The following EXD3 variants were observed in gnomAD, a reference collection of about 807,000 sequenced individuals.
The protein encoded by EXD3 is exonuclease 3'-5' domain containing 3.
EXD3 carries 92 observed loss-of-function variants against 98.0 expected under a neutral mutation model. The observed-to-expected ratio is 0.94, with a 90% confidence interval of 0.79 to 1.12. EXD3 has a LOEUF of 1.12. Among genes scored for constraint, EXD3 ranks in the 50% most tolerant of loss-of-function variants. EXD3 has a pLI of 0.00. For synonymous variants in EXD3, 569 were observed against 526.0 expected (o/e 1.08, Z -1.12); for missense variants, 1,222 against 1,191.6 (o/e 1.03, Z -0.38).
chr9:137,319,094 C>T (rs956977501), intron 19 of EXD3, among the ~76,000 whole-genome samples: 3 of 152,260 alleles, frequency 2.0e-5, no homozygotes, highest in Non-Finnish European at 4.4e-5. Flanking sequence ...TAGGGGACAG[C>T]GGAGGCTGTG....
At chr9:137,330,202 ACTACACAGGAG>A (rs1263631873) in intron 17 of EXD3, among the ~76,000 whole-genome samples, 5 of 135,594 alleles carry the variant, frequency 3.7e-5, no homozygotes, top group Non-Finnish European at 6.2e-5. Context: ...ACTACACAGG[ACTACACAGGAG>A]CTACACAGGA....
chr9:137,375,415 C>A (rs1835847591), intron 3 of EXD3, among the ~76,000 whole-genome samples: 1 of 152,114 alleles, frequency 6.6e-6, no homozygotes, highest in South Asian at 2.1e-4. Context: ...CTAGTGAGTT[C>A]CAGCTCTAGT....
intron 2 of EXD3, chr9:137,392,468 C>T (rs180677676): frequency 4.8e-4 from 82 of 172,160 alleles, no homozygotes; most frequent in Admixed American, 1.0e-3. Context: ...GTCCAGGCAG[C>T]GAGGCGGGGC....
Position 137,355,647 on chromosome 9 carries a change from G to A in EXD3, c.757+621C>T, listed in dbSNP as rs867470510. On this transcript the variant is annotated intron_variant, in intron 8 of 21. Transcript: ENST00000340951. ...GGAGGATGGAGGAAGGAGGAAGGAGGAAGGAGGAAGGAGGAAGGAGAAAGG... is the reference window on the plus strand; with the variant it reads ...GGAGGATGGAGGAAGGAGGAAGGAGAAAGGAGGAAGGAGGAAGGAGAAAGG... 3.6e-4 allele frequency among the ~76,000 whole-genome samples: 50 copies of A among 140,020 alleles called. 1 individual carries two copies. The highest frequency in any genetic ancestry group is 9.0e-4 in the African/African-American group (33 of 36,714). The allele number at this position is 140,020 out of a possible 152,430, so 91.9% of individuals were successfully genotyped here.
At chr9:137,375,070 G>A (rs539838451) in intron 3 of EXD3, among the ~76,000 whole-genome samples, 4 of 151,834 alleles carry the variant, frequency 2.6e-5, no homozygotes, top group East Asian at 3.9e-4. Flanking sequence ...GTGCAGTGGC[G>A]CGATCTCGAC....
intron 1 of EXD3, among the ~76,000 whole-genome samples, chr9:137,420,015 C>G (rs761572938): frequency 3.2e-4 from 48 of 152,180 alleles, no homozygotes; most frequent in Non-Finnish European, 5.9e-4. Context: ...AAAAAATTAG[C>G]CGGGCATGGT....
chr9:137,388,354 G>A (rs893135733), intron 2 of EXD3, among the ~76,000 whole-genome samples: 7 of 152,084 alleles, frequency 4.6e-5, no homozygotes, highest in African/African-American at 1.4e-4. Flanking sequence ...GCCGGCCGAC[G>A]GGAGGACGGA....
At position 137,393,301 on chromosome 9, in the gene EXD3, C is replaced by A; in HGVS notation, c.55+2002G>T. ...GGTCCCATGCGCTCCCCGGCCCTGA[C>A]GGCGGTCTCCAGGGGAGGTAACAGG... On this transcript the variant is annotated intron_variant, in intron 2 of 21. Transcript: ENST00000340951. This position sits in a 1 kb window ranked among gnomAD's most constrained non-coding sequence, Gnocchi z 4.6. 1.4e-6 allele frequency: 1 copy of A among 697,632 alleles called. No individual in the cohort carries two copies. The allele number at this position is 697,632 out of a possible 1,614,324, so 43.2% of individuals were successfully genotyped here.
At chr9:137,389,098 G>A (rs1437992157) in intron 2 of EXD3, among the ~76,000 whole-genome samples, 4 of 152,268 alleles carry the variant, frequency 2.6e-5, no homozygotes, top group Admixed American at 6.5e-5. Context: ...TCTGGCGTCC[G>A]GGGGCAGCTG....
rs370906566 is a variant in EXD3, at chr9:137,382,470, C to T, written c.120+843G>A. On this transcript the variant is annotated intron_variant, in intron 3 of 21. Coordinates refer to ENST00000340951, the MANE Select transcript of EXD3 (RefSeq NM_017820.5). ...AGCGAGGAAGACTGAGCGTCACAGA[C>T]GAAGGTCCGACAAGAGAGCCTGGAA... 1.6e-4 allele frequency among the ~76,000 whole-genome samples: 25 copies of T among 152,166 alleles called. No homozygotes were observed. In the East Asian group the frequency reaches 1.9e-3, roughly 12 times the overall value.
Position 137,405,359 on chromosome 9 carries a change from C to T in EXD3, c.-47-9955G>A, listed in dbSNP as rs1837664686. On this transcript the variant is annotated intron_variant, in intron 1 of 21. Transcript: ENST00000340951. The surrounding 1 kb of genome is among the most constrained non-coding windows in gnomAD (Gnocchi z 4.1). ...CTGCTCCCTGGGGACCCCTGGACCA[C>T]AGGACCAACGGGGGCAGGGTGGGCC... 6.6e-6 allele frequency among the ~76,000 whole-genome samples: 1 copy of T among 152,224 alleles called. No individual in the cohort carries two copies. Among genetic ancestry groups the T allele is most frequent in the African/African-American group, 2.4e-5 (1 of 41,474 alleles).
In EXD3 at chr9:137,351,473, C is replaced by T. The variant is rs773753469; in HGVS notation, c.1229G>A (p.Gly410Asp). Residue 410 changes from glycine to aspartate, a missense_variant, in exon 13 of 22, where the codon GGC becomes GAC. Physicochemically the swap from Gly to Asp is moderately conservative, Grantham distance 94 (BLOSUM62 -1). Coordinates refer to ENST00000340951, the MANE Select transcript of EXD3 (RefSeq NM_017820.5). Reference sequence around the variant, plus strand: ...CTGCAGGAGTGACGGCCGAGGCCGGCCCCCAGCAACAAACACAGGTGTCCA... The same window carrying T: ...CTGCAGGAGTGACGGCCGAGGCCGGTCCCCAGCAACAAACACAGGTGTCCA... ...VEWTPVFVAG[G>D]RPRPSLLQVA... 5 of 1,599,540 alleles carry T rather than the reference C, an allele frequency of 3.1e-6. No individual in the cohort carries two copies. The highest frequency in any genetic ancestry group is 4.5e-5 in the East Asian group (2 of 44,092).
At chr9:137,379,074 G>A (rs552662269) in intron 3 of EXD3, among the ~76,000 whole-genome samples, 2 of 117,842 alleles carry the variant, frequency 1.7e-5, no homozygotes, top group East Asian at 2.5e-4. Flanking sequence ...GAGGGGTACG[G>A]GGTTTGTGGG....
At chr9:137,329,312 A>G (rs1588267988) in intron 17 of EXD3, among the ~76,000 whole-genome samples, 1 of 22,594 alleles carries the variant, frequency 4.4e-5, no homozygotes, top group Non-Finnish European at 6.9e-5. Flanking sequence ...ACACGGGGCT[A>G]CACGGGACTA....
chr9:137,319,261 G>A (rs1486168827), intron 19 of EXD3, among the ~76,000 whole-genome samples: 2 of 152,252 alleles, frequency 1.3e-5, no homozygotes, highest in South Asian at 2.1e-4. Context: ...ATAGCCAGCC[G>A]AGCCCTGCAC....
chr9:137,352,708 C>A lies in EXD3; in HGVS notation c.949G>T (p.Ala317Ser). The A allele has an allele frequency of 6.4e-7, 1 of 1,566,602 alleles. No homozygotes were observed. The highest frequency in any genetic ancestry group is 8.6e-7 in the Non-Finnish European group (1 of 1,157,228). ...AGCAAGAGTTCCATGGCACACTGGG[C>A]GGCCGTGACTGGGTCACTGTGGGAG... is the stretch of plus-strand genomic sequence containing the variant. ...LVSHSDPVTA[A>S]QCAMELLLPE... Residue 317 changes from alanine (A) to serine (S), a missense_variant, in exon 11 of 22, where the codon GCC becomes TCC. Transcript: ENST00000340951.
chr9:137,358,283 C>T (rs1834890648), intron 7 of EXD3, among the ~76,000 whole-genome samples: 1 of 152,226 alleles, frequency 6.6e-6, no homozygotes, highest in Non-Finnish European at 1.5e-5. Flanking sequence ...GCCAGAGGTG[C>T]TGTGGGCTGA....
At chr9:137,316,842 C>A (rs1011730480) in intron 19 of EXD3, among the ~76,000 whole-genome samples, 2 of 152,200 alleles carry the variant, frequency 1.3e-5, no homozygotes, top group Non-Finnish European at 2.9e-5. Flanking sequence ...CTAGGTGTGA[C>A]GGGCCTGCCT....
In EXD3 at chr9:137,354,705, C is replaced by T. The variant is rs368804874; in HGVS notation, c.826G>A (p.Val276Met). The T allele has an allele frequency of 1.2e-6, 2 of 1,610,812 alleles. No individual in the cohort carries two copies. The highest frequency in any genetic ancestry group is 1.7e-6 in the Non-Finnish European group (2 of 1,179,698). ...ALRHLCHKRF[V>M]EKSLSQENWT... ...ACCCCCTCCTGCTCACGAACCTCCA[C>T]AAACCGCTTGTGGCACAGGTGCCGC... Residue 276 changes from valine (V) to methionine (M), a missense_variant, in exon 9 of 22, where the codon GTG becomes ATG. Physicochemically the swap from Val to Met is conservative, Grantham distance 21 (BLOSUM62 1). Coordinates refer to ENST00000340951, the MANE Select transcript of EXD3 (RefSeq NM_017820.5).
Sources: allele counts gnomAD v4.1 joint callset (sites outside exome capture counted in the v4.1 genomes callset), GRCh38; gene constraint gnomAD v4.1.1; non-coding constraint Gnocchi (gnomAD v3.1); transcripts MANE v1.5; gene names NCBI Gene and HGNC (gene_info 2026-07-23, HGNC 2026-07-21).